IL1RAPL2: variants seen among roughly 807,000 people sequenced by gnomAD.
The protein encoded by IL1RAPL2 is interleukin 1 receptor accessory protein like 2, also known as X-linked interleukin-1 receptor accessory protein-like 2.
IL1RAPL2 carries 3 observed loss-of-function variants against 44.1 expected under a neutral mutation model. That is an observed-to-expected ratio of 0.07 (90% CI 0.03 to 0.18). The LOEUF is 0.18. Ranked by LOEUF, IL1RAPL2 falls within the 10% of genes least tolerant of loss-of-function variation. IL1RAPL2 has a pLI of 1.00. For missense variants in IL1RAPL2, 391 were observed against 496.4 expected (o/e 0.79, Z 2.02); for synonymous variants, 181 against 178.8 (o/e 1.01, Z -0.10).
At chrX:105,535,825 A>G (rs1253332372) in intron 6 of IL1RAPL2, among the ~76,000 whole-genome samples, 2 of 111,428 alleles carry the variant, frequency 1.8e-5, no homozygotes, top group Non-Finnish European at 3.8e-5. Context: ...AATGTTTTTA[A>G]GGTGATAGAA....
At chrX:105,726,559 ACT>A (rs973367059) in intron 7 of IL1RAPL2, among the ~76,000 whole-genome samples, 1 of 111,465 alleles carries the variant, frequency 9.0e-6, no homozygotes, top group Non-Finnish European at 1.9e-5. Context: ...AGCAGAAAAC[ACT>A]GTTTCTCCCA....
intron 2 of IL1RAPL2, among the ~76,000 whole-genome samples, chrX:105,184,267 C>T (rs781927215): frequency 9.1e-4 from 101 of 111,220 alleles, no homozygotes; most frequent in Non-Finnish European, 1.5e-3. Context: ...TATTTTGGTT[C>T]TTCTTTGTGG....
At chrX:104,628,434 G>C (rs1983369358) in intron 1 of IL1RAPL2, among the ~76,000 whole-genome samples, 1 of 111,184 alleles carries the variant, frequency 9.0e-6, no homozygotes. Flanking sequence ...ATATGAGTGA[G>C]GACATGCAAT....
chrX:105,325,069 G>C lies in IL1RAPL2; in HGVS notation c.697+57528G>C, dbSNP rs148555221. Among the ~76,000 whole-genome samples, 610 of 111,492 alleles carry C rather than the reference G, an allele frequency of 5.5e-3. 10 individuals are homozygous for C. The highest frequency in any genetic ancestry group is 0.019 in the African/African-American group (578 of 30,647). ...ATATGATTCAAATACCATAACATTT[G>C]TTTCAAGTGTACAGTTCAGTGGGTT... is the stretch of plus-strand genomic sequence containing the variant. On this transcript the variant is annotated intron_variant, in intron 5 of 10. Coordinates refer to ENST00000372582, the MANE Select transcript of IL1RAPL2 (RefSeq NM_017416.2).
intron 2 of IL1RAPL2, among the ~76,000 whole-genome samples, chrX:104,674,028 A>G (rs1930682790): frequency 9.0e-6 from 1 of 111,547 alleles, no homozygotes; most frequent in Non-Finnish European, 1.9e-5. Flanking sequence ...TAGATATACA[A>G]TCATGTCATC....
intron 3 of IL1RAPL2, chrX:105,219,834 C>A: frequency 2.7e-6 from 3 of 1,098,798 alleles, no homozygotes; most frequent in Non-Finnish European, 3.7e-6. Flanking sequence ...GACGGAGCTA[C>A]CAGGTGGGAA....
At chrX:104,880,553 C>T (rs1259272738) in intron 2 of IL1RAPL2, among the ~76,000 whole-genome samples, 1 of 111,402 alleles carries the variant, frequency 9.0e-6, no homozygotes, top group Non-Finnish European at 1.9e-5. Context: ...ATGGCCTGTC[C>T]CCCAGATCCT....
At chrX:105,625,443 T>G (rs1283831882) in intron 6 of IL1RAPL2, among the ~76,000 whole-genome samples, 3 of 112,231 alleles carry the variant, frequency 2.7e-5, no homozygotes, top group Non-Finnish European at 5.6e-5. Context: ...AATCTGCCTG[T>G]GGATGTGGTC....
At chrX:104,914,830 C>A (rs935629895) in intron 2 of IL1RAPL2, among the ~76,000 whole-genome samples, 1 of 110,684 alleles carries the variant, frequency 9.0e-6, no homozygotes, top group African/African-American at 3.3e-5. Flanking sequence ...GTTTTTTGTC[C>A]TTGCCGTAGT....
At position 104,946,379 on chromosome X, in the gene IL1RAPL2, CAAAAAAAAAAAAAAA is replaced by C. The variant is rs1157603029; in HGVS notation, c.83-249080_83-249066del. On this transcript the variant is annotated intron_variant, in intron 2 of 10. Transcript: ENST00000372582. ...TGGGCGACAGAGCAAGACTCCGTCT[CAAAAAAAAAAAAAAA>C]AAAAAAAAAAAAAAACTTTTTAAAA... 1.5e-3 allele frequency among the ~76,000 whole-genome samples: 14 copies of C among 9,140 alleles called. 1 individual carries two copies. The highest frequency in any genetic ancestry group is 5.7e-3 in the African/African-American group (10 of 1,745). 7.9% of individuals were successfully genotyped at this position (9,140 alleles called of 115,157 possible). A position where few individuals can be genotyped will look rare whatever the true frequency, so the allele number is the denominator to read the frequency against.
intron 4 of IL1RAPL2, among the ~76,000 whole-genome samples, chrX:105,241,617 A>C (rs1302267024): frequency 8.9e-6 from 1 of 112,017 alleles, no homozygotes; most frequent in Non-Finnish European, 1.9e-5. Context: ...ATCTTTTATA[A>C]CCCATTACAA....
intron 2 of IL1RAPL2, among the ~76,000 whole-genome samples, chrX:104,925,575 C>T (rs1924755639): frequency 8.9e-6 from 1 of 112,115 alleles, no homozygotes; most frequent in African/African-American, 3.2e-5. Flanking sequence ...TGATTCATCA[C>T]ATAAACAGAA....
chrX:105,294,663 C>T (rs1443825486), intron 5 of IL1RAPL2, among the ~76,000 whole-genome samples: 1 of 112,120 alleles, frequency 8.9e-6, no homozygotes, highest in Non-Finnish European at 1.9e-5. Flanking sequence ...GTAAATCAAT[C>T]AGATTTTACT....
chrX:104,733,623 A>G (rs1009837715), intron 2 of IL1RAPL2, among the ~76,000 whole-genome samples: 2 of 97,076 alleles, frequency 2.1e-5, no homozygotes, highest in Non-Finnish European at 3.9e-5. Context: ...GTCTCAAAAT[A>G]ATAATAATAA....
At chrX:105,541,736 C>T (rs1051519669) in intron 6 of IL1RAPL2, among the ~76,000 whole-genome samples, 10 of 111,034 alleles carry the variant, frequency 9.0e-5, no homozygotes, top group Non-Finnish European at 1.7e-4. Flanking sequence ...CCTAATTAGT[C>T]TTTTCTTTCC....
At chrX:104,653,365 T>G (rs1930188892) in intron 1 of IL1RAPL2, among the ~76,000 whole-genome samples, 1 of 111,196 alleles carries the variant, frequency 9.0e-6, no homozygotes, top group Admixed American at 9.6e-5. Flanking sequence ...TGGGAGTAGG[T>G]GAGAATTAGT....
intron 6 of IL1RAPL2, among the ~76,000 whole-genome samples, chrX:105,572,981 G>A (rs1305400040): frequency 9.0e-6 from 1 of 111,674 alleles, no homozygotes; most frequent in Non-Finnish European, 1.9e-5. Flanking sequence ...ATATCATGAA[G>A]AGATTTGTAC....
chrX:104,626,313 CGTGT>C (rs1157786260), intron 1 of IL1RAPL2, among the ~76,000 whole-genome samples: 1 of 104,889 alleles, frequency 9.5e-6, no homozygotes, highest in Non-Finnish European at 1.9e-5. Flanking sequence ...TGTGTGTGTG[CGTGT>C]GTGTGTGTGT....
intron 2 of IL1RAPL2, among the ~76,000 whole-genome samples, chrX:105,044,427 G>T (rs758418238): frequency 2.7e-5 from 3 of 110,740 alleles, no homozygotes; most frequent in Non-Finnish European, 5.7e-5. Context: ...AAAAAAGACT[G>T]AGTAGGAAAT....
Sources: gnomAD v4.1 joint callset for allele counts (sites outside exome capture counted in the v4.1 genomes callset) on GRCh38, gnomAD v4.1.1 for gene constraint, MANE v1.5 for transcripts, NCBI Gene and HGNC (gene_info 2026-07-23, HGNC 2026-07-21) for gene names.